RABGAP1L: variants seen among roughly 807,000 people sequenced by gnomAD.
RABGAP1L encodes rab GTPase-activating protein 1-like.
Under a neutral mutation model 137.7 loss-of-function variants are expected in RABGAP1L, and 63 were observed. The ratio of observed to expected loss-of-function variants is 0.46; its 90% CI spans 0.37 to 0.56. The LOEUF is 0.56. Ranked by LOEUF, RABGAP1L falls within the 20% of genes least tolerant of loss-of-function variation. RABGAP1L has a pLI of 0.00. For synonymous variants in RABGAP1L, 431 were observed against 433.7 expected, an observed-to-expected ratio of 0.99 and a Z score of 0.08; for missense variants, 1,095 against 1,244.0, an observed-to-expected ratio of 0.88 and a Z score of 1.80.
At chr1:174,315,421 C>A (rs1290028202) in intron 11 of RABGAP1L, among the ~76,000 whole-genome samples, 1 of 152,078 alleles carries the variant, frequency 6.6e-6, no homozygotes. Flanking sequence ...GGCAACAGAT[C>A]AATGGGTTTT....
At chr1:174,572,447 A>G (rs895210376) in intron 13 of RABGAP1L, among the ~76,000 whole-genome samples, 1 of 152,068 alleles carries the variant, frequency 6.6e-6, no homozygotes, top group African/African-American at 2.4e-5. Flanking sequence ...GTGCAGTGGT[A>G]CAATCTTGGC....
intron 11 of RABGAP1L, among the ~76,000 whole-genome samples, chr1:174,347,117 C>T (rs911932204): frequency 2.0e-5 from 3 of 151,778 alleles, no homozygotes; most frequent in African/African-American, 7.3e-5. Flanking sequence ...AAATTTAATA[C>T]TTTTTTTTGG....
intron 12 of RABGAP1L, among the ~76,000 whole-genome samples, chr1:174,371,659 T>C (rs1477564569): frequency 6.6e-6 from 1 of 152,186 alleles, no homozygotes; most frequent in African/African-American, 2.4e-5. Flanking sequence ...ATGACTATCA[T>C]ATGTTGGTGT....
chr1:174,496,313 G>T (rs1305261638), intron 13 of RABGAP1L, among the ~76,000 whole-genome samples: 3 of 152,184 alleles, frequency 2.0e-5, no homozygotes, highest in Non-Finnish European at 2.9e-5. Flanking sequence ...CTTTTCAGGA[G>T]CTGAACTTCA....
At chr1:174,430,586 C>G (rs1652516056) in intron 13 of RABGAP1L, among the ~76,000 whole-genome samples, 1 of 152,094 alleles carries the variant, frequency 6.6e-6, no homozygotes, top group Non-Finnish European at 1.5e-5. Flanking sequence ...GCAGAGCATT[C>G]AAGACTGGAA....
intron 13 of RABGAP1L, chr1:174,548,450 C>T: frequency 1.1e-6 from 1 of 935,648 alleles, no homozygotes; most frequent in Non-Finnish European, 1.3e-6. Flanking sequence ...ATGGATATAT[C>T]ATATTATATG....
chr1:174,506,048 G>A (rs1021338932), intron 13 of RABGAP1L, among the ~76,000 whole-genome samples: 11 of 152,160 alleles, frequency 7.2e-5, no homozygotes, highest in Non-Finnish European at 1.2e-4. Flanking sequence ...GGCACAGAAA[G>A]TCAAATACCA....
At chr1:174,463,134 C>G (rs1400191536) in intron 13 of RABGAP1L, among the ~76,000 whole-genome samples, 1 of 152,050 alleles carries the variant, frequency 6.6e-6, no homozygotes, top group Non-Finnish European at 1.5e-5. Context: ...ACTAGAAATA[C>G]CATTTGACCC....
rs796606635 is a variant in RABGAP1L at position 174,294,920 on chromosome 1, AT to A, written c.1324-10053del. On this transcript the variant is annotated intron_variant, in intron 10 of 25. Coordinates refer to ENST00000681986, the MANE Select transcript of RABGAP1L (RefSeq NM_001366446.1). ...GGTAGTGAAGTTTTTGATACATTGA[AT>A]TTTTTTTTTTTTCTTGAGACAGAGT... 4.6e-4 allele frequency among the ~76,000 whole-genome samples: 67 copies of A among 146,350 alleles called. 1 individual carries two copies. The East Asian group carries it at 5.4e-3, about 12-fold the overall frequency.
At chr1:174,239,912 C>T (rs1558061057) in intron 4 of RABGAP1L, among the ~76,000 whole-genome samples, 1 of 152,068 alleles carries the variant, frequency 6.6e-6, no homozygotes, top group South Asian at 2.1e-4. Context: ...TTCCAAGTAC[C>T]AAAATATTGG....
At chr1:174,477,238 C>G (rs762266048) in intron 13 of RABGAP1L, among the ~76,000 whole-genome samples, 2 of 152,162 alleles carry the variant, frequency 1.3e-5, no homozygotes, top group Non-Finnish European at 2.9e-5. Context: ...AAATGGCAGC[C>G]AGACAACTAA....
intron 19 of RABGAP1L, among the ~76,000 whole-genome samples, chr1:174,871,560 T>C (rs1652196407): frequency 6.6e-6 from 1 of 152,188 alleles, no homozygotes; most frequent in Non-Finnish European, 1.5e-5. Flanking sequence ...TATAACATAA[T>C]GCAGGCATGT....
chr1:174,593,187 A>C lies in RABGAP1L; in HGVS notation c.1711-44188A>C, dbSNP rs1340922443. Among the ~76,000 whole-genome samples, 236 of 81,236 alleles carry C rather than the reference A, an allele frequency of 2.9e-3. 1 individual carries two copies. Among genetic ancestry groups the C allele is most frequent in the African/African-American group, 0.014 (185 of 13,340 alleles). The allele number at this position is 81,236 out of a possible 152,430, so 53.3% of individuals were successfully genotyped here. A position where few individuals can be genotyped will look rare whatever the true frequency, so the allele number is the denominator to read the frequency against. Reference sequence around the variant, plus strand: ...TGATGGTAGTTTGTATTTCTGTGGGATCTGTGGTGATATCCCCTTTATCAT... The same window carrying C: ...TGATGGTAGTTTGTATTTCTGTGGGCTCTGTGGTGATATCCCCTTTATCAT... On this transcript the variant is annotated intron_variant, in intron 13 of 25. Transcript: ENST00000681986.
At chr1:174,895,127 T>C (rs1656915200) in intron 19 of RABGAP1L, among the ~76,000 whole-genome samples, 1 of 152,212 alleles carries the variant, frequency 6.6e-6, no homozygotes, top group Non-Finnish European at 1.5e-5. Flanking sequence ...GGTCAAAACA[T>C]GGTAGATATT....
At chr1:174,385,003 T>C (rs1686630832) in intron 12 of RABGAP1L, among the ~76,000 whole-genome samples, 2 of 152,234 alleles carry the variant, frequency 1.3e-5, no homozygotes, top group Admixed American at 1.3e-4. Flanking sequence ...GGAATGTTAC[T>C]TGACTAATTT....
In RABGAP1L at chr1:174,527,214, T is replaced by A. The variant is rs950504511; in HGVS notation, c.1711-110161T>A. 1.3e-3 allele frequency among the ~76,000 whole-genome samples: 194 copies of A among 150,780 alleles called. 2 individuals carry two copies. The highest frequency in any genetic ancestry group is 4.5e-3 in the African/African-American group (186 of 41,220). ...TATGATTTTTATTTTGTTTTTTTTTTTTTTTTTGAGACAGAATCTCACTCT... is the reference window on the plus strand; with the variant it reads ...TATGATTTTTATTTTGTTTTTTTTTATTTTTTTGAGACAGAATCTCACTCT... On this transcript the variant is annotated intron_variant, in intron 13 of 25. Transcript: ENST00000681986.
Position 174,926,300 on chromosome 1 carries a change from G to A in RABGAP1L, c.2341-31157G>A, listed in dbSNP as rs369623564. ...TCAGTAAGAATTTTTTGATCACTTT[G>A]TCAAGGCTCATATTTTAAAAATCCT... On this transcript the variant is annotated intron_variant, in intron 19 of 25. Transcript: ENST00000681986. 1.5e-4 allele frequency among the ~76,000 whole-genome samples: 23 copies of A among 152,058 alleles called. 1 individual carries two copies. The highest frequency in any genetic ancestry group is 5.1e-4 in the African/African-American group (21 of 41,468).
chr1:174,730,274 T>A (rs2148619202), intron 17 of RABGAP1L, among the ~76,000 whole-genome samples: 1 of 152,098 alleles, frequency 6.6e-6, no homozygotes, highest in Middle Eastern at 3.4e-3. Flanking sequence ...GACATAAAGA[T>A]AGCAACAATA....
At chr1:174,849,640 A>G (rs947927559) in intron 19 of RABGAP1L, 1 of 391,258 alleles carries the variant, frequency 2.6e-6, no homozygotes, top group Non-Finnish European at 5.0e-6. Flanking sequence ...CAGGATGAGA[A>G]GTACACTTAG....
Sources: gnomAD v4.1 joint callset for allele counts (sites outside exome capture counted in the v4.1 genomes callset) on GRCh38, gnomAD v4.1.1 for gene constraint, MANE v1.5 for transcripts, NCBI Gene and HGNC (gene_info 2026-07-23, HGNC 2026-07-21) for gene names.